CACNA1E: variants seen among roughly 807,000 people sequenced by gnomAD.
CACNA1E encodes voltage-dependent R-type calcium channel subunit alpha-1E.
A neutral mutation model predicts 259.2 loss-of-function variants in CACNA1E; 40 were observed. The ratio of observed to expected loss-of-function variants is 0.15; its 90% confidence interval spans 0.12 to 0.20. The LOEUF is 0.20. Ranked by LOEUF, CACNA1E falls within the 10% of genes least tolerant of loss-of-function variation. CACNA1E has a pLI of 1.00. For missense variants in CACNA1E, 1,874 were observed against 3,040.1 expected (o/e 0.62, Z 9.02); for synonymous variants, 1,104 against 1,138.5 (o/e 0.97, Z 0.61).
At chr1:181,529,713 C>T (rs891426876) in intron 3 of CACNA1E, among the ~76,000 whole-genome samples, 4 of 152,172 alleles carry the variant, frequency 2.6e-5, no homozygotes, top group Admixed American at 6.5e-5. Flanking sequence ...CACTGGATTT[C>T]GGATTTGCAT....
chr1:181,405,051 C>T (rs865818993), intron 1 of CACNA1E, among the ~76,000 whole-genome samples: 1 of 152,226 alleles, frequency 6.6e-6, no homozygotes, highest in African/African-American at 2.4e-5. Flanking sequence ...TGGGCTAGTA[C>T]CTTTGAAAGC....
Position 181,802,549 on chromosome 1 carries a change from ACCC to A in CACNA1E, c.*3716_*3718del, listed in dbSNP as rs1662353158. On this transcript the variant is annotated 3_prime_UTR_variant, in exon 48 of 48. Coordinates refer to ENST00000367573, the MANE Select transcript of CACNA1E (RefSeq NM_001205293.3). ...TCCAGCTCCTGAGATGGTTAATTCC[ACCC>A]AATCCAAGCTTATTTGCTTGCCTGA... 1 of 151,904 alleles carries A rather than the reference ACCC, an allele frequency of 6.6e-6. No individual in the cohort carries two copies. Among genetic ancestry groups the A allele is most frequent in the Non-Finnish European group, 1.5e-5 (1 of 67,988 alleles). The allele number at this position is 151,904 out of a possible 1,614,324, so 9.4% of individuals were successfully genotyped here.
At chr1:181,510,070 T>C (rs1423340755) in intron 1 of CACNA1E, among the ~76,000 whole-genome samples, 3 of 152,236 alleles carry the variant, frequency 2.0e-5, no homozygotes, top group Non-Finnish European at 2.9e-5. Flanking sequence ...TTCAGTGGTT[T>C]GAAGACTGGG....
intron 6 of CACNA1E, among the ~76,000 whole-genome samples, chr1:181,639,813 T>G (rs1657587266): frequency 6.6e-6 from 1 of 152,146 alleles, no homozygotes; most frequent in Non-Finnish European, 1.5e-5. Context: ...AAAACCAAGA[T>G]GAATTTCTAG....
At chr1:181,373,782 C>G (rs186432776) in intron 1 of CACNA1E, among the ~76,000 whole-genome samples, 136 of 152,214 alleles carry the variant, frequency 8.9e-4, no homozygotes, top group African/African-American at 2.4e-3. Flanking sequence ...GCCTTGGCCT[C>G]CCAAAGTGCT....
rs183780830 is a variant in CACNA1E at position 181,657,783 on chromosome 1, G to T, written c.1055+6342G>T. On this transcript the variant is annotated intron_variant, in intron 7 of 47. Transcript: ENST00000367573. ...TAATTTGTGAAAAACTGAAGACATC[G>T]TAAAGAAGAACTTTAATAATGTTTA... Among the ~76,000 whole-genome samples, 5 of 152,338 alleles carry T rather than the reference G, an allele frequency of 3.3e-5. No homozygotes were observed. The East Asian group carries it at 9.6e-4, about 29-fold the overall frequency.
At chr1:181,522,039 G>C (rs1667031306) in intron 3 of CACNA1E, among the ~76,000 whole-genome samples, 1 of 152,194 alleles carries the variant, frequency 6.6e-6, no homozygotes, top group Non-Finnish European at 1.5e-5. Flanking sequence ...GTTTGAAACA[G>C]GAAAGTGAAC....
At chr1:181,498,452 C>A (rs1405346632) in intron 1 of CACNA1E, among the ~76,000 whole-genome samples, 1 of 152,190 alleles carries the variant, frequency 6.6e-6, no homozygotes, top group African/African-American at 2.4e-5. Flanking sequence ...GGACTCTAGA[C>A]CCTTTCAAGA....
At chr1:181,375,280 G>T (rs193205060) in intron 1 of CACNA1E, among the ~76,000 whole-genome samples, 14 of 152,316 alleles carry the variant, frequency 9.2e-5, no homozygotes, top group Non-Finnish European at 1.8e-4. Context: ...ATGGGAATTT[G>T]TTAATTTTTT....
intron 7 of CACNA1E, among the ~76,000 whole-genome samples, chr1:181,697,457 G>A (rs1354660242): frequency 6.6e-6 from 1 of 152,126 alleles, no homozygotes; most frequent in African/African-American, 2.4e-5. Context: ...CAGAGCATCT[G>A]GTACATCATA....
chr1:181,371,739 A>G (rs895392668), intron 1 of CACNA1E, among the ~76,000 whole-genome samples: 2 of 152,144 alleles, frequency 1.3e-5, no homozygotes, highest in African/African-American at 2.4e-5. Flanking sequence ...TAAGTCTTTA[A>G]TTTATTTTGA....
chr1:181,585,515 C>T (rs529671254), intron 6 of CACNA1E, among the ~76,000 whole-genome samples: 1 of 151,926 alleles, frequency 6.6e-6, no homozygotes, highest in African/African-American at 2.4e-5. Context: ...TGGGAAAATG[C>T]ATATAGAACA....
At chr1:181,583,884 T>A (rs866026510) in intron 6 of CACNA1E, among the ~76,000 whole-genome samples, 5 of 152,190 alleles carry the variant, frequency 3.3e-5, no homozygotes, top group Non-Finnish European at 7.3e-5. Context: ...TTGCACTGTC[T>A]GTCCCAAAGG....
chr1:181,749,300 T>A (rs1657382563), intron 25 of CACNA1E, among the ~76,000 whole-genome samples: 1 of 152,164 alleles, frequency 6.6e-6, no homozygotes, highest in East Asian at 1.9e-4. Context: ...TAGGGAATCA[T>A]GAGATGCAGG....
At chr1:181,564,152 T>C (rs1052212999) in intron 3 of CACNA1E, among the ~76,000 whole-genome samples, 15 of 152,192 alleles carry the variant, frequency 9.9e-5, no homozygotes, top group African/African-American at 3.6e-4. Context: ...GAACAAACTT[T>C]GCTGTATCCG....
At chr1:181,455,498 C>T (rs893236621) in intron 2 of CACNA1E, among the ~76,000 whole-genome samples, 2 of 152,116 alleles carry the variant, frequency 1.3e-5, no homozygotes, top group African/African-American at 2.4e-5. Context: ...GTCTTTTTAC[C>T]TGCTGTGCTC....
At chr1:181,334,676 C>T (rs115975314) in intron 1 of CACNA1E, among the ~76,000 whole-genome samples, 2,425 of 152,296 alleles carry the variant, frequency 0.016, 63 homozygotes, top group African/African-American at 0.053. Flanking sequence ...CTGCTTCTCA[C>T]CACCTCCACT....
chr1:181,766,075 C>A (rs1414493015), intron 34 of CACNA1E, among the ~76,000 whole-genome samples: 3 of 152,068 alleles, frequency 2.0e-5, no homozygotes, highest in Non-Finnish European at 2.9e-5. Flanking sequence ...CAAGTGAGAC[C>A]CCAATCATTT....
rs1655616397 is a variant in CACNA1E, at chr1:181,732,706, T to A, written c.2620T>A (p.Leu874Met). The change falls in exon 20 of 48, where the codon TTG becomes ATG. Residue 874 changes from leucine (L) to methionine (M), a missense_variant. Around this residue, in one of 14 missense-constraint regions of CACNA1E, gnomAD observed 476 missense variants for 514.0 expected, o/e 0.93. Coordinates refer to ENST00000367573, the MANE Select transcript of CACNA1E (RefSeq NM_001205293.3). The surrounding 1 kb of genome is among the most constrained non-coding windows in gnomAD (Gnocchi z 5.5). ...TGCCCTGGACAACCAGAGGACCCCT[T>A]TGTCCCTGGGCCAGCGGGAGCCACC... ...SSALDNQRTP[L>M]SLGQREPPWL... 1 of 1,538,520 alleles carries A rather than the reference T, an allele frequency of 6.5e-7. No individual in the cohort carries two copies. Among genetic ancestry groups the A allele is most frequent in the African/African-American group, 1.4e-5 (1 of 72,480 alleles).
Sources: gnomAD v4.1 joint callset for allele counts (sites outside exome capture counted in the v4.1 genomes callset) on GRCh38, gnomAD v4.1.1 for gene constraint, gnomAD v4.1.1 regional missense constraint, Gnocchi (gnomAD v3.1) non-coding constraint, MANE v1.5 for transcripts, NCBI Gene and HGNC (gene_info 2026-07-23, HGNC 2026-07-21) for gene names.